The following SPATA13 variants were observed in gnomAD, a reference collection of about 807,000 sequenced individuals.
SPATA13 encodes the protein spermatogenesis-associated protein 13.
SPATA13 carries 50 observed loss-of-function variants against 104.0 expected under a neutral mutation model. The ratio of observed to expected loss-of-function variants is 0.48; its 90% confidence interval spans 0.38 to 0.61. The LOEUF (loss-of-function observed/expected upper bound fraction) is 0.61, where lower values mean the gene tolerates loss of function less well. Among genes scored for constraint, SPATA13 ranks in the 20% least tolerant of loss-of-function variants. The pLI is 0.00. For missense variants in SPATA13, 1,524 were observed against 1,690.6 expected (o/e 0.90, Z 1.73); for synonymous variants, 606 against 667.5 (o/e 0.91, Z 1.42).
intron 3 of SPATA13, among the ~76,000 whole-genome samples, chr13:24,052,831 G>C (rs865936781): frequency 6.7e-3 from 15 of 2,244 alleles, no homozygotes; most frequent in African/African-American, 0.013. Context: ...GCCGCCAGGG[G>C]ATCCTCCCCG....
At chr13:24,136,474 C>CA (rs1881571898) in intron 3 of SPATA13, among the ~76,000 whole-genome samples, 1 of 140,966 alleles carries the variant, frequency 7.1e-6, no homozygotes, top group East Asian at 2.1e-4. Context: ...GAAACTTAGT[C>CA]AAAAAAAGAA....
intron 3 of SPATA13, among the ~76,000 whole-genome samples, chr13:24,135,038 GAAAGA>G: frequency 6.6e-6 from 1 of 152,152 alleles, no homozygotes; most frequent in Non-Finnish European, 1.5e-5. Flanking sequence ...CTACAAGCCA[GAAAGA>G]AAAGACAGGG....
intron 4 of SPATA13, among the ~76,000 whole-genome samples, chr13:24,263,777 C>A (rs1047745456): frequency 1.3e-5 from 2 of 152,144 alleles, no homozygotes; most frequent in African/African-American, 4.8e-5. Flanking sequence ...ATACGGAGGA[C>A]CAACTGTGTT....
chr13:24,047,343 G>T (rs1385794187), intron 3 of SPATA13, among the ~76,000 whole-genome samples: 1 of 152,216 alleles, frequency 6.6e-6, no homozygotes, highest in African/African-American at 2.4e-5. Context: ...ACAGTGGCTG[G>T]TTATCATTTA....
At chr13:24,197,446 G>C (rs148963539) in intron 1 of SPATA13, among the ~76,000 whole-genome samples, 1 of 152,166 alleles carries the variant, frequency 6.6e-6, no homozygotes, top group African/African-American at 2.4e-5. Flanking sequence ...GGAACCAGCA[G>C]GATGTTGCCA....
At chr13:24,201,515 A>G (rs1166281571) in intron 1 of SPATA13, among the ~76,000 whole-genome samples, 3 of 152,118 alleles carry the variant, frequency 2.0e-5, no homozygotes, top group Non-Finnish European at 4.4e-5. Flanking sequence ...ATCTTGACTC[A>G]CTGCAACCTC....
At chr13:24,066,938 G>T (rs11838928) in intron 3 of SPATA13, among the ~76,000 whole-genome samples, 45,527 of 152,108 alleles carry the variant, frequency 0.3, 7,181 homozygotes, top group Middle Eastern at 0.35. Flanking sequence ...GCCTGGGGTT[G>T]CCATTTGCAA....
In SPATA13 at chr13:24,047,608, A is replaced by G. The variant is rs192512517; in HGVS notation, c.-112+29907A>G. On this transcript the variant is annotated intron_variant, in intron 3 of 14. Coordinates refer to the SPATA13 transcript ENST00000424834. ...AGTTTCATCAGCTTTAGTAAATCCT[A>G]TTAGTTTTCCAAAGTGGCTGTGCCA... is the stretch of plus-strand genomic sequence containing the variant. Among the ~76,000 whole-genome samples, 1,196 of 152,332 alleles carry G rather than the reference A, an allele frequency of 7.9e-3. 18 individuals are homozygous for G. The highest frequency in any genetic ancestry group is 0.028 in the African/African-American group (1,155 of 41,560).
In SPATA13 at chr13:24,306,636, A is replaced by G. The variant is rs1266843735; in HGVS notation, c.*3863A>G. ...TAAGTGGAACATGACTGATCTTGAA[A>G]AAAAAAGCAAAAGCTTAAATATTTG... is the stretch of plus-strand genomic sequence containing the variant. On this transcript the variant is annotated 3_prime_UTR_variant, in exon 13 of 13. Transcript: ENST00000382108. The G allele has an allele frequency of 6.6e-6, 1 of 152,260 alleles. No homozygotes were observed. The highest frequency in any genetic ancestry group is 2.4e-5 in the African/African-American group (1 of 41,470). 9.4% of individuals were successfully genotyped at this position (152,260 alleles called of 1,614,324 possible).
At chr13:24,200,363 G>A (rs1171780152) in intron 1 of SPATA13, among the ~76,000 whole-genome samples, 5 of 152,092 alleles carry the variant, frequency 3.3e-5, no homozygotes, top group Admixed American at 6.5e-5. Context: ...TAACAATTGT[G>A]TATCTTAGCT....
intron 2 of SPATA13, among the ~76,000 whole-genome samples, chr13:24,227,921 G>C (rs1351016678): frequency 1.3e-5 from 2 of 151,444 alleles, no homozygotes; most frequent in Non-Finnish European, 2.9e-5. Flanking sequence ...TTGTTTTCTT[G>C]AGATGGAATT....
At chr13:23,983,281 T>TA (rs1874987036) in intron 1 of SPATA13, among the ~76,000 whole-genome samples, 1 of 152,186 alleles carries the variant, frequency 6.6e-6, no homozygotes, top group Admixed American at 6.5e-5. Context: ...ACTGCCTTCT[T>TA]ACTGCGTCTT....
intron 4 of SPATA13, among the ~76,000 whole-genome samples, chr13:24,281,295 C>T (rs1028660521): frequency 6.6e-6 from 1 of 152,234 alleles, no homozygotes; most frequent in African/African-American, 2.4e-5. Context: ...ACTTTTTCCT[C>T]ACAGACACAG....
Position 24,003,133 on chromosome 13 carries a change from G to C in SPATA13, c.-146-14534G>C, listed in dbSNP as rs1876058125. Among the ~76,000 whole-genome samples, 3 of 152,092 alleles carry C rather than the reference G, an allele frequency of 2.0e-5. No individual in the cohort carries two copies. In the South Asian group the frequency reaches 6.2e-4, roughly 32 times the overall value. ...CATCTGTCTGGTTTTCAATGGTTCT[G>C]TCTGTAGCATTTTCCCCACGCTGGT... On this transcript the variant is annotated intron_variant, in intron 2 of 14. Transcript: ENST00000424834.
chr13:24,272,064 C>A (rs888147225), intron 4 of SPATA13, among the ~76,000 whole-genome samples: 1 of 152,250 alleles, frequency 6.6e-6, no homozygotes, highest in South Asian at 2.1e-4. Context: ...ACTGGCAAGA[C>A]CTGGGTGGAG....
chr13:24,023,395 AC>A (rs35663311), intron 3 of SPATA13, among the ~76,000 whole-genome samples: 65,256 of 151,914 alleles, frequency 0.43, 15,021 homozygotes, highest in Non-Finnish European at 0.52. Flanking sequence ...TGATTTGGAT[AC>A]TTTGCTTTTT....
intron 1 of SPATA13, among the ~76,000 whole-genome samples, chr13:24,192,834 G>C (rs147110064): frequency 6.6e-6 from 1 of 152,282 alleles, no homozygotes; most frequent in African/African-American, 2.4e-5. Context: ...TTCTGCATGG[G>C]TGGAACTGCC....
chr13:24,113,884 A>AG, intron 3 of SPATA13, among the ~76,000 whole-genome samples: 3 of 151,658 alleles, frequency 2.0e-5, no homozygotes, highest in African/African-American at 7.3e-5. Context: ...AAAAAAAAAA[A>AG]AAAAAAGAAA....
chr13:24,136,585 T>C (rs974425130), intron 3 of SPATA13, among the ~76,000 whole-genome samples: 3 of 152,122 alleles, frequency 2.0e-5, no homozygotes, highest in African/African-American at 7.2e-5. Flanking sequence ...CAGAAAAAAC[T>C]GTCAGATGAA....
Sources: allele counts gnomAD v4.1 joint callset (sites outside exome capture counted in the v4.1 genomes callset), GRCh38; gene constraint gnomAD v4.1.1; transcripts MANE v1.5; gene names NCBI Gene and HGNC (gene_info 2026-07-23, HGNC 2026-07-21).